Variants in AGMO observed in about 807,000 individuals in gnomAD.
The protein encoded by AGMO is glyceryl-ether monooxygenase.
AGMO carries 75 observed loss-of-function variants against 60.2 expected under a neutral mutation model. The observed-to-expected ratio is 1.25, with a 90% CI of 1.03 to 1.51. AGMO has a LOEUF of 1.51. Ranked by LOEUF, AGMO falls within the 40% of genes most tolerant of loss-of-function variation. The probability of loss-of-function intolerance (pLI) is 0.00; values close to 1 mark genes in which losing one functional copy is unlikely to be tolerated. For synonymous variants in AGMO, 261 were observed against 177.1 expected (o/e 1.47, Z -3.76); for missense variants, 763 against 525.5 (o/e 1.45, Z -4.42).
At chr7:15,250,469 C>T (rs781176455) in intron 12 of AGMO, among the ~76,000 whole-genome samples, 48 of 151,914 alleles carry the variant, frequency 3.2e-4, no homozygotes, top group Non-Finnish European at 1.6e-4. Context: ...TTCTCAATAT[C>T]TGATGCTTTG....
intron 3 of AGMO, among the ~76,000 whole-genome samples, chr7:15,434,699 G>A (rs529452554): frequency 2.6e-5 from 4 of 152,184 alleles, no homozygotes; most frequent in Admixed American, 1.3e-4. Flanking sequence ...GAACCGACTC[G>A]CAGCAACCTC....
intron 12 of AGMO, among the ~76,000 whole-genome samples, chr7:15,215,204 G>C (rs1037295530): frequency 6.6e-6 from 1 of 152,038 alleles, no homozygotes; most frequent in Non-Finnish European, 1.5e-5. Flanking sequence ...AAGACTCGTA[G>C]AGAAACTTAC....
At chr7:15,170,821 C>A in the AGMO span, among the ~76,000 whole-genome samples, 1 of 152,156 alleles carries the variant, frequency 6.6e-6, no homozygotes, top group Admixed American at 6.5e-5. Context: ...CTCTTTAGGC[C>A]CCTCTTGGCT....
chr7:15,303,075 A>G (rs1230578088), intron 12 of AGMO, among the ~76,000 whole-genome samples: 1 of 152,164 alleles, frequency 6.6e-6, no homozygotes, highest in Non-Finnish European at 1.5e-5. Context: ...AACAGAATTA[A>G]TTGTATTCTT....
chr7:15,315,814 CA>C (rs1042302043), intron 12 of AGMO, among the ~76,000 whole-genome samples: 22 of 152,010 alleles, frequency 1.4e-4, no homozygotes, highest in African/African-American at 5.3e-4. Context: ...TGTCCTCAAC[CA>C]CATTCACAAA....
At chr7:15,169,591 C>A in the AGMO span, among the ~76,000 whole-genome samples, 1 of 152,048 alleles carries the variant, frequency 6.6e-6, no homozygotes, top group East Asian at 1.9e-4. Context: ...CATCCACCAC[C>A]ACACCTGGCT....
chr7:15,147,218 A>G, the AGMO span, among the ~76,000 whole-genome samples: 1 of 152,100 alleles, frequency 6.6e-6, no homozygotes, highest in Non-Finnish European at 1.5e-5. Flanking sequence ...TTATAGACAC[A>G]TCCTGGAAAT....
chr7:15,399,315 T>C (rs867504616), intron 5 of AGMO, among the ~76,000 whole-genome samples: 2 of 152,288 alleles, frequency 1.3e-5, no homozygotes, highest in Middle Eastern at 3.4e-3. Context: ...TTCTATTATA[T>C]ACTGAAAAGG....
chr7:15,323,832 CA>C (rs776672670), intron 12 of AGMO, among the ~76,000 whole-genome samples: 16 of 152,256 alleles, frequency 1.1e-4, no homozygotes, highest in Admixed American at 9.2e-4. Context: ...ATTATCAAAA[CA>C]GACACGAGAT....
chr7:15,224,126 T>C (rs1010732771), intron 12 of AGMO, among the ~76,000 whole-genome samples: 2 of 151,928 alleles, frequency 1.3e-5, no homozygotes, highest in Non-Finnish European at 2.9e-5. Context: ...GAAGGTATGG[T>C]GAGTCTCTCT....
At chr7:15,437,999 G>T (rs1036968002) in intron 3 of AGMO, among the ~76,000 whole-genome samples, 1 of 151,360 alleles carries the variant, frequency 6.6e-6, no homozygotes, top group African/African-American at 2.4e-5. Context: ...TTTTTTATTC[G>T]TGTTCAGATG....
the AGMO span, among the ~76,000 whole-genome samples, chr7:15,183,756 T>C: frequency 2.6e-5 from 4 of 152,222 alleles, no homozygotes; most frequent in African/African-American, 4.8e-5. Flanking sequence ...TATCACCTTT[T>C]AAGGTCAAAC....
chr7:15,337,833 A>G (rs1238226872), intron 12 of AGMO, among the ~76,000 whole-genome samples: 1 of 152,176 alleles, frequency 6.6e-6, no homozygotes, highest in Non-Finnish European at 1.5e-5. Flanking sequence ...GGGCAGATAT[A>G]TTAGGCACCT....
chr7:15,237,990 G>C (rs1487694542), intron 12 of AGMO, among the ~76,000 whole-genome samples: 1 of 151,990 alleles, frequency 6.6e-6, no homozygotes, highest in Admixed American at 6.6e-5. Context: ...GCCTAACTTT[G>C]ATTAGTCCCA....
the AGMO span, among the ~76,000 whole-genome samples, chr7:15,146,243 T>C: frequency 6.6e-6 from 1 of 152,200 alleles, no homozygotes; most frequent in Non-Finnish European, 1.5e-5. Context: ...AAATCAATTC[T>C]GAAAGGTTAA....
intron 12 of AGMO, among the ~76,000 whole-genome samples, chr7:15,312,288 T>C (rs1780789381): frequency 6.6e-6 from 1 of 152,012 alleles, no homozygotes; most frequent in Non-Finnish European, 1.5e-5. Flanking sequence ...ATTCCAAGCA[T>C]GATAAATAAA....
At chr7:15,395,265 A>G (rs1784325224) in intron 5 of AGMO, among the ~76,000 whole-genome samples, 1 of 152,230 alleles carries the variant, frequency 6.6e-6, no homozygotes, top group African/African-American at 2.4e-5. Flanking sequence ...AAAGGGCAAA[A>G]TAGTCACTGA....
chr7:15,211,373 T>A (rs1781583418), intron 12 of AGMO, among the ~76,000 whole-genome samples: 1 of 152,038 alleles, frequency 6.6e-6, no homozygotes, highest in East Asian at 1.9e-4. Flanking sequence ...TAGTCAACTC[T>A]TTCTCGTTGG....
chr7:15,342,779 CAAAA>C (rs780336320), intron 12 of AGMO, among the ~76,000 whole-genome samples: 90 of 61,656 alleles, frequency 1.5e-3, no homozygotes, highest in African/African-American at 2.7e-3. Context: ...AGTATAGCTG[CAAAA>C]AAAAAAAAAA....
Sources: allele counts gnomAD v4.1 joint callset (sites outside exome capture counted in the v4.1 genomes callset), GRCh38; gene constraint gnomAD v4.1.1; transcripts MANE v1.5; gene names NCBI Gene and HGNC (gene_info 2026-07-23, HGNC 2026-07-21).